TOX: variants seen among roughly 807,000 people sequenced by gnomAD.
TOX encodes thymocyte selection-associated high mobility group box protein TOX.
In TOX, 11 loss-of-function variants were observed where a neutral mutation model predicts 53.7. The ratio of observed to expected loss-of-function variants is 0.20; its 90% CI spans 0.13 to 0.34. TOX has a LOEUF of 0.34. TOX is among the 10% of genes least tolerant of loss of function. The pLI is 1.00. For synonymous variants in TOX, 225 were observed against 245.3 expected (o/e 0.92, Z 0.77); for missense variants, 570 against 664.6 (o/e 0.86, Z 1.56).
chr8:58,812,220 T>C (rs550585410), intron 7 of TOX, among the ~76,000 whole-genome samples: 1 of 152,268 alleles, frequency 6.6e-6, no homozygotes, highest in Non-Finnish European at 1.5e-5. Context: ...GAAGTGATAA[T>C]GTGGAGGGGT....
intron 1 of TOX, among the ~76,000 whole-genome samples, chr8:59,079,135 C>T (rs1804350671): frequency 6.6e-6 from 1 of 152,150 alleles, no homozygotes; most frequent in African/African-American, 2.4e-5. Context: ...AAAGGAATGA[C>T]TTAAAGTTGG....
intron 1 of TOX, among the ~76,000 whole-genome samples, chr8:59,100,585 T>C (rs1245574306): frequency 6.6e-6 from 1 of 152,190 alleles, no homozygotes; most frequent in Non-Finnish European, 1.5e-5. Context: ...AAATATGAGA[T>C]TCACGGAATT....
intron 1 of TOX, among the ~76,000 whole-genome samples, chr8:58,971,224 G>C (rs950732282): frequency 2.6e-5 from 4 of 152,212 alleles, no homozygotes; most frequent in African/African-American, 7.2e-5. Context: ...GTAGCAGCAC[G>C]ATGAGGAAAA....
chr8:58,831,431 T>C (rs1810452518), intron 5 of TOX, among the ~76,000 whole-genome samples: 1 of 152,242 alleles, frequency 6.6e-6, no homozygotes, highest in Non-Finnish European at 1.5e-5. Context: ...ATGCACTCTA[T>C]ATATTACCTC....
In TOX at chr8:58,845,835, G is replaced by A. The variant is rs1359365234; in HGVS notation, c.693+5689C>T. On this transcript the variant is annotated intron_variant, in intron 4 of 8. Coordinates refer to ENST00000361421, the MANE Select transcript of TOX (RefSeq NM_014729.3). ...AAGTGATTTTTTAAAGAGAAAAAAG[G>A]TTGGTTGTTATTTTATACACCTACT... 2.0e-5 allele frequency among the ~76,000 whole-genome samples: 3 copies of A among 152,030 alleles called. No individual in the cohort carries two copies. The East Asian group carries it at 5.8e-4, about 29-fold the overall frequency.
intron 1 of TOX, among the ~76,000 whole-genome samples, chr8:58,997,982 C>A (rs1813592523): frequency 6.6e-6 from 1 of 151,938 alleles, no homozygotes. Context: ...TTAGTAGAGA[C>A]GGGTTTTCAC....
chr8:58,823,668 T>G (rs17292859), intron 6 of TOX, among the ~76,000 whole-genome samples: 22,585 of 152,250 alleles, frequency 0.15, 2,040 homozygotes, highest in Non-Finnish European at 0.2. Flanking sequence ...AAAGGATCAC[T>G]TCAGGCCTTT....
In TOX at chr8:58,826,906, C is replaced by A; in HGVS notation, c.925-4G>T. ...CCTCGGTTTTCTTTTTATAGACCTG[C>A]AACAACAGCAAAGAGTCTTAAATTA... On this transcript the variant is annotated splice_region_variant and splice_polypyrimidine_tract_variant and intron_variant, in intron 5 of 8. Transcript: ENST00000361421. 2 of 1,609,158 alleles carry A rather than the reference C, an allele frequency of 1.2e-6. No individual in the cohort carries two copies. The highest frequency in any genetic ancestry group is 1.7e-6 in the Non-Finnish European group (2 of 1,178,064).
At chr8:59,110,557 G>C (rs150530821) in intron 1 of TOX, among the ~76,000 whole-genome samples, 463 of 152,212 alleles carry the variant, frequency 3.0e-3, no homozygotes, top group Middle Eastern at 0.01. Flanking sequence ...CCATATATCA[G>C]AGGAAGGTAT....
chr8:58,943,676 A>T (rs1470561338), intron 2 of TOX, among the ~76,000 whole-genome samples: 1 of 151,288 alleles, frequency 6.6e-6, no homozygotes, highest in Non-Finnish European at 1.5e-5. Flanking sequence ...TGTCCTTGGA[A>T]GTCCTATGAG....
chr8:59,085,679 T>C (rs1344620510), intron 1 of TOX, among the ~76,000 whole-genome samples: 1 of 152,244 alleles, frequency 6.6e-6, no homozygotes, highest in African/African-American at 2.4e-5. Context: ...TGAGCCACTG[T>C]GCCCAGCCTA....
At position 58,875,107 on chromosome 8, in the gene TOX, G is replaced by A. The variant is rs746612184; in HGVS notation, c.412-23302C>T. Among the ~76,000 whole-genome samples the A allele has an allele frequency of 3.3e-4, 50 of 152,136 alleles. 1 individual carries two copies. The highest frequency in any genetic ancestry group is 1.0e-4 in the Non-Finnish European group (7 of 68,022). The stretch of plus-strand genomic sequence containing the variant: ...CCTCTGAGTACAGCCGACAGTTCAC[G>A]GAGTCTTTCCTTGGTATGTTTGGAC... On this transcript the variant is annotated intron_variant, in intron 3 of 8. Coordinates refer to ENST00000361421, the MANE Select transcript of TOX (RefSeq NM_014729.3).
chr8:58,814,334 G>T (rs1187500659), intron 7 of TOX: 1 of 151,952 alleles, frequency 6.6e-6, no homozygotes, highest in East Asian at 1.9e-4. Flanking sequence ...AGAGTAATTG[G>T]AGTATATAAG....
chr8:58,836,948 C>T (rs1213974016), intron 5 of TOX, among the ~76,000 whole-genome samples: 1 of 152,092 alleles, frequency 6.6e-6, no homozygotes, highest in Non-Finnish European at 1.5e-5. Context: ...TATATGGCCC[C>T]ATTTTGTAAT....
intron 3 of TOX, among the ~76,000 whole-genome samples, chr8:58,880,162 G>A (rs1442043924): frequency 6.6e-6 from 1 of 152,190 alleles, no homozygotes; most frequent in African/African-American, 2.4e-5. Context: ...AAGAAGCCTT[G>A]AGGGTGGAGG....
chr8:59,009,413 C>A (rs534836428), intron 1 of TOX, among the ~76,000 whole-genome samples: 1 of 151,772 alleles, frequency 6.6e-6, no homozygotes, highest in East Asian at 1.9e-4. Flanking sequence ...CACTCTATCA[C>A]CCAGGCTGGA....
At chr8:59,113,147 T>G (rs1805047623) in intron 1 of TOX, among the ~76,000 whole-genome samples, 1 of 152,196 alleles carries the variant, frequency 6.6e-6, no homozygotes, top group Non-Finnish European at 1.5e-5. Context: ...TTACCTCAAG[T>G]GTAACCCAAC....
chr8:59,023,502 A>G (rs928139219), intron 1 of TOX, among the ~76,000 whole-genome samples: 2 of 152,182 alleles, frequency 1.3e-5, no homozygotes, highest in South Asian at 4.1e-4. Flanking sequence ...TTAGTAACAC[A>G]ACTCATCATA....
At chr8:58,976,734 A>C (rs1246058699) in intron 1 of TOX, among the ~76,000 whole-genome samples, 2 of 152,256 alleles carry the variant, frequency 1.3e-5, no homozygotes, top group Non-Finnish European at 2.9e-5. Context: ...GGGTTGCAGA[A>C]TGGATGTTAT....
Sources: gnomAD v4.1 joint callset for allele counts (sites outside exome capture counted in the v4.1 genomes callset) on GRCh38, gnomAD v4.1.1 for gene constraint, MANE v1.5 for transcripts, NCBI Gene and HGNC (gene_info 2026-07-23, HGNC 2026-07-21) for gene names.